GRK3: variants seen among roughly 807,000 people sequenced by gnomAD.
The protein encoded by GRK3 is adrenergic, beta, receptor kinase 2.
In GRK3, 54 loss-of-function variants were observed where a neutral mutation model predicts 95.7. That is an observed-to-expected ratio of 0.56 (90% CI 0.45 to 0.71). The LOEUF is 0.71. Ranked by LOEUF, GRK3 falls within the 30% of genes least tolerant of loss-of-function variation. The pLI is 0.00. For missense variants in GRK3, 649 were observed against 851.2 expected (o/e 0.76, Z 2.96); for synonymous variants, 281 against 290.8 (o/e 0.97, Z 0.34).
At chr22:25,704,301 A>G in intron 15 of GRK3, 92 bp downstream of exon 15, 2 of 868,134 alleles carry the variant, frequency 2.3e-6, no homozygotes, top group Non-Finnish European at 1.8e-6. Context: ...CCTAGTCATT[A>G]AAATCTTCCA....
intron 18 of GRK3, among the ~76,000 whole-genome samples, chr22:25,715,897 A>G (rs185272599): frequency 1.3e-5 from 2 of 152,334 alleles, no homozygotes; most frequent in Non-Finnish European, 2.9e-5. Flanking sequence ...TACTCTTTAT[A>G]TAAACGTTGC....
intron 6 of GRK3, among the ~76,000 whole-genome samples, chr22:25,668,960 G>A (rs756895592): frequency 6.6e-6 from 1 of 152,180 alleles, no homozygotes; most frequent in South Asian, 2.1e-4. Flanking sequence ...TAGCCTCACA[G>A]TAAATGCAAA....
chr22:25,616,894 G>A (rs2084543776), intron 2 of GRK3, among the ~76,000 whole-genome samples: 1 of 152,182 alleles, frequency 6.6e-6, no homozygotes, highest in African/African-American at 2.4e-5. Flanking sequence ...TGGGCCATTT[G>A]CTGGAGTATT....
At chr22:25,587,285 A>G (rs1932347351) in intron 1 of GRK3, among the ~76,000 whole-genome samples, 1 of 152,234 alleles carries the variant, frequency 6.6e-6, no homozygotes, top group African/African-American at 2.4e-5. Context: ...CCCTCCCTGC[A>G]TGAGGCTTCC....
intron 7 of GRK3, among the ~76,000 whole-genome samples, chr22:25,673,995 C>T (rs540216980): frequency 6.6e-6 from 1 of 152,056 alleles, no homozygotes; most frequent in Admixed American, 6.6e-5. Flanking sequence ...CACATAGATG[C>T]CCCTGACATG....
chr22:25,620,255 G>A (rs2146356659), intron 2 of GRK3, among the ~76,000 whole-genome samples: 1 of 152,180 alleles, frequency 6.6e-6, no homozygotes, highest in Middle Eastern at 3.4e-3. Context: ...GGTTTGACCA[G>A]GCCTGTCTTT....
intron 1 of GRK3, 29 bp downstream of exon 1, chr22:25,565,182 C>G (rs745319810): frequency 1.1e-5 from 14 of 1,312,858 alleles, no homozygotes; most frequent in Non-Finnish European, 2.1e-6. Flanking sequence ...GGCGCCGGCC[C>G]CAAGCCGCCG....
intron 4 of GRK3, among the ~76,000 whole-genome samples, chr22:25,662,715 C>G (rs1185678357): frequency 2.6e-5 from 4 of 152,202 alleles, no homozygotes; most frequent in Admixed American, 6.5e-5. Flanking sequence ...TAGGGAAGGA[C>G]TGAACCCTTG....
chr22:25,707,770 C>G (rs1017605312), intron 15 of GRK3, among the ~76,000 whole-genome samples: 1 of 152,098 alleles, frequency 6.6e-6, no homozygotes, highest in Non-Finnish European at 1.5e-5. Flanking sequence ...AAGAAGATGA[C>G]TTGGGCGCTG....
At chr22:25,697,718 A>G (rs2085220677) in intron 13 of GRK3, among the ~76,000 whole-genome samples, 1 of 152,208 alleles carries the variant, frequency 6.6e-6, no homozygotes, top group South Asian at 2.1e-4. Flanking sequence ...TAATACAAGA[A>G]TGTCCAGTCA....
intron 15 of GRK3, among the ~76,000 whole-genome samples, chr22:25,706,459 C>T (rs2085300731): frequency 6.6e-6 from 1 of 152,194 alleles, no homozygotes; most frequent in African/African-American, 2.4e-5. Context: ...CCTGTGTCAG[C>T]ACCCCCTCTT....
At chr22:25,587,296 T>C (rs975800721) in intron 1 of GRK3, among the ~76,000 whole-genome samples, 2 of 152,262 alleles carry the variant, frequency 1.3e-5, no homozygotes, top group Non-Finnish European at 2.9e-5. Flanking sequence ...TGAGGCTTCC[T>C]GACCCTAGTC....
At chr22:25,598,033 T>C (rs548337932) in intron 1 of GRK3, among the ~76,000 whole-genome samples, 3 of 152,122 alleles carry the variant, frequency 2.0e-5, no homozygotes, top group Non-Finnish European at 4.4e-5. Context: ...CAAAGAAATA[T>C]AGAGTACCTG....
At chr22:25,602,044 C>A (rs969149082) in intron 1 of GRK3, among the ~76,000 whole-genome samples, 1 of 152,178 alleles carries the variant, frequency 6.6e-6, no homozygotes, top group African/African-American at 2.4e-5. Flanking sequence ...AGCTGAGGTG[C>A]TCACTGGGAG....
At chr22:25,685,958 C>T (rs751425154) in intron 10 of GRK3, among the ~76,000 whole-genome samples, 6 of 151,204 alleles carry the variant, frequency 4.0e-5, no homozygotes, top group African/African-American at 9.7e-5. Context: ...CGGTGGCTCA[C>T]GCCTGTAATC....
At chr22:25,625,476 C>T (rs538669437) in intron 2 of GRK3, among the ~76,000 whole-genome samples, 1 of 152,118 alleles carries the variant, frequency 6.6e-6, no homozygotes, top group Non-Finnish European at 1.5e-5. Flanking sequence ...GGAAGATGCC[C>T]GTTGCCAGGC....
chr22:25,601,945 A>G (rs890375962), intron 1 of GRK3, among the ~76,000 whole-genome samples: 2 of 152,230 alleles, frequency 1.3e-5, no homozygotes, highest in Non-Finnish European at 2.9e-5. Flanking sequence ...ACTTCTTAGG[A>G]CAGACTGTCC....
chr22:25,714,872 G>A (rs1026711983), intron 18 of GRK3, among the ~76,000 whole-genome samples: 3 of 152,104 alleles, frequency 2.0e-5, no homozygotes, highest in Non-Finnish European at 4.4e-5. Flanking sequence ...GACAGTGTCT[G>A]GAGTGGGGTT....
chr22:25,711,657 A>C (rs1388205982), intron 17 of GRK3, among the ~76,000 whole-genome samples: 2 of 152,004 alleles, frequency 1.3e-5, no homozygotes, highest in Non-Finnish European at 2.9e-5. Flanking sequence ...TATTCCCCCA[A>C]GTAGAGACAA....
Sources: gnomAD v4.1 joint callset for allele counts (sites outside exome capture counted in the v4.1 genomes callset) on GRCh38, gnomAD v4.1.1 for gene constraint, MANE v1.5 for transcripts, NCBI Gene and HGNC (gene_info 2026-07-23, HGNC 2026-07-21) for gene names.